Variants in NRXN1 observed in about 807,000 individuals in gnomAD.
The protein encoded by NRXN1 is neurexin 1.
NRXN1 carries 39 observed loss-of-function variants against 150.9 expected under a neutral mutation model. The observed-to-expected ratio is 0.26, with a 90% CI of 0.20 to 0.34. The LOEUF (loss-of-function observed/expected upper bound fraction) is 0.34. Ranked by LOEUF, NRXN1 falls within the 10% of genes least tolerant of loss-of-function variation. The pLI, the probability that NRXN1 is intolerant of heterozygous loss-of-function variation, is 1.00. For missense variants in NRXN1, 1,815 were observed against 1,949.9 expected (o/e 0.93, Z 1.30); for synonymous variants, 924 against 757.0 (o/e 1.22, Z -3.62).
At chr2:50,418,791 C>T (rs1572898474) in intron 17 of NRXN1, among the ~76,000 whole-genome samples, 1 of 151,876 alleles carries the variant, frequency 6.6e-6, no homozygotes, top group African/African-American at 2.4e-5. Flanking sequence ...TTTTTAAATA[C>T]CTTAGATGCT....
chr2:49,927,885 C>G (rs1669385597), intron 22 of NRXN1, among the ~76,000 whole-genome samples: 2 of 151,874 alleles, frequency 1.3e-5, no homozygotes, highest in East Asian at 3.9e-4. Context: ...TATTTTGGTT[C>G]CAAAGTTAAC....
At chr2:50,372,970 A>T (rs1239165471) in intron 17 of NRXN1, among the ~76,000 whole-genome samples, 1 of 151,564 alleles carries the variant, frequency 6.6e-6, no homozygotes, top group Non-Finnish European at 1.5e-5. Context: ...GTCTCCAAGA[A>T]CCCCTCTTTT....
chr2:50,858,806 A>G (rs1675652163), intron 5 of NRXN1, among the ~76,000 whole-genome samples: 1 of 152,094 alleles, frequency 6.6e-6, no homozygotes, highest in African/African-American at 2.4e-5. Flanking sequence ...AAATTGCACA[A>G]TTTTATCTAG....
At chr2:50,998,395 A>G (rs1218399585) in intron 2 of NRXN1, among the ~76,000 whole-genome samples, 1 of 151,972 alleles carries the variant, frequency 6.6e-6, no homozygotes, top group Non-Finnish European at 1.5e-5. Flanking sequence ...GCACCCAAGG[A>G]AAGTCTTTCA....
At chr2:50,903,362 T>TTAATTGATTG (rs1683210401) in intron 5 of NRXN1, among the ~76,000 whole-genome samples, 2 of 152,188 alleles carry the variant, frequency 1.3e-5, no homozygotes, top group African/African-American at 4.8e-5. Context: ...TCAATCTAAC[T>TTAATTGATTG]ATAGGAAGAC....
chr2:50,939,243 T>C (rs1201861270), intron 2 of NRXN1, among the ~76,000 whole-genome samples: 1 of 144,428 alleles, frequency 6.9e-6, no homozygotes, highest in South Asian at 2.2e-4. Context: ...AAAAATTAAA[T>C]GTAGGTAGCC....
At chr2:50,335,817 T>C (rs537744542) in intron 17 of NRXN1, among the ~76,000 whole-genome samples, 1 of 152,082 alleles carries the variant, frequency 6.6e-6, no homozygotes, top group East Asian at 1.9e-4. Context: ...CAAATCAGTC[T>C]AGAATGATAA....
At chr2:50,805,239 G>C (rs1398272915) in intron 5 of NRXN1, among the ~76,000 whole-genome samples, 1 of 152,026 alleles carries the variant, frequency 6.6e-6, no homozygotes, top group Non-Finnish European at 1.5e-5. Context: ...AAAAGTATTG[G>C]GATTTTGTTT....
chr2:50,086,711 A>C (rs923345953), intron 19 of NRXN1, among the ~76,000 whole-genome samples: 4 of 152,072 alleles, frequency 2.6e-5, no homozygotes, highest in Admixed American at 2.6e-4. Flanking sequence ...TCCTTCCTAC[A>C]ACTGGTTTCC....
intron 5 of NRXN1, among the ~76,000 whole-genome samples, chr2:50,669,137 C>G (rs1191450264): frequency 1.3e-5 from 2 of 151,776 alleles, no homozygotes; most frequent in Non-Finnish European, 2.9e-5. Context: ...AAAGAAATAA[C>G]AAACAATGCA....
intron 18 of NRXN1, among the ~76,000 whole-genome samples, chr2:50,173,708 TTA>T (rs1267934829): frequency 6.6e-6 from 1 of 152,186 alleles, no homozygotes; most frequent in African/African-American, 2.4e-5. Flanking sequence ...GCCTTATATT[TTA>T]TGTTAGCATT....
rs543161409 is a variant in NRXN1, at chr2:50,045,089, C to A, written c.4128+8182G>T. ...ATAAAGGCAGAGAAATTACCTGAGC[C>A]TTCTCCTGAGGTCCCAGCCTAATGG... On this transcript the variant is annotated intron_variant, in intron 21 of 22. Transcript: ENST00000401669. 1.2e-4 allele frequency among the ~76,000 whole-genome samples: 18 copies of A among 152,190 alleles called. No individual in the cohort carries two copies. The South Asian group carries it at 3.7e-3, about 32-fold the overall frequency.
At chr2:50,617,793 T>G (rs908283875) in intron 8 of NRXN1, among the ~76,000 whole-genome samples, 1 of 152,196 alleles carries the variant, frequency 6.6e-6, no homozygotes, top group Non-Finnish European at 1.5e-5. Context: ...AAAAAATGAA[T>G]ACTAAGGTAA....
chr2:50,751,790 A>G (rs1700623767), intron 5 of NRXN1, among the ~76,000 whole-genome samples: 1 of 152,014 alleles, frequency 6.6e-6, no homozygotes, highest in South Asian at 2.1e-4. Context: ...TCCAGACTAA[A>G]GATAAACTTG....
In NRXN1 at chr2:50,532,938, A is replaced by G. The variant is rs6721336; in HGVS notation, c.2144-1508T>C. Among the ~76,000 whole-genome samples, 1,424 of 152,328 alleles carry G rather than the reference A, an allele frequency of 9.3e-3. 17 individuals carry two copies. Among genetic ancestry groups the G allele is most frequent in the African/African-American group, 0.033 (1,353 of 41,574 alleles). ...TAAAGAAAAACTACCTGGAATTAAA[A>G]TGAACCAGGAAATTTTCATTATTTT... On this transcript the variant is annotated intron_variant, in intron 10 of 22. Coordinates refer to ENST00000401669, the MANE Select transcript of NRXN1 (RefSeq NM_001330078.2).
At chr2:50,533,848 A>G (rs1445850405) in intron 10 of NRXN1, among the ~76,000 whole-genome samples, 1 of 152,184 alleles carries the variant, frequency 6.6e-6, no homozygotes, top group Non-Finnish European at 1.5e-5. Context: ...TTCAGCATTT[A>G]GGTCTCTGCT....
intron 17 of NRXN1, among the ~76,000 whole-genome samples, chr2:50,315,269 G>A (rs1013806668): frequency 2.6e-5 from 4 of 152,068 alleles, no homozygotes; most frequent in Middle Eastern, 3.4e-3. Flanking sequence ...AGAATCAAGC[G>A]AAACTGAACA....
intron 5 of NRXN1, among the ~76,000 whole-genome samples, chr2:50,791,136 T>TA (rs554425861): frequency 0.012 from 1,748 of 150,090 alleles, 36 homozygotes; most frequent in South Asian, 0.097. Context: ...TTTTTTTTTT[T>TA]TAAAAAAAAA....
At chr2:50,201,427 G>A (rs192244358) in intron 18 of NRXN1, among the ~76,000 whole-genome samples, 20 of 152,216 alleles carry the variant, frequency 1.3e-4, no homozygotes, top group East Asian at 1.2e-3. Flanking sequence ...ATGAGTACTC[G>A]TTGTAAATAG....
Sources: gnomAD v4.1 joint callset for allele counts (sites outside exome capture counted in the v4.1 genomes callset) on GRCh38, gnomAD v4.1.1 for gene constraint, MANE v1.5 for transcripts, NCBI Gene and HGNC (gene_info 2026-07-23, HGNC 2026-07-21) for gene names.